PHACTR1: variants seen among roughly 807,000 people sequenced by gnomAD.
PHACTR1 encodes phosphatase and actin regulator 1.
Under a neutral mutation model 69.2 loss-of-function variants are expected in PHACTR1, and 16 were observed. The observed-to-expected ratio is 0.23, with a 90% CI of 0.16 to 0.35. The LOEUF is 0.35. Ranked by LOEUF, PHACTR1 falls within the 10% of genes least tolerant of loss-of-function variation. The pLI, the probability that PHACTR1 is intolerant of heterozygous loss-of-function variation, is 1.00. For synonymous variants in PHACTR1, 312 were observed against 284.5 expected, an observed-to-expected ratio of 1.10 and a Z score of -0.97; for missense variants, 510 against 734.7, an observed-to-expected ratio of 0.69 and a Z score of 3.54.
intron 4 of PHACTR1, among the ~76,000 whole-genome samples, chr6:13,018,360 T>G (rs371372216): frequency 3.6e-4 from 55 of 152,212 alleles, no homozygotes; most frequent in African/African-American, 1.2e-3. Context: ...GGAAACGTAC[T>G]GCCTGTTTTC....
intron 7 of PHACTR1, among the ~76,000 whole-genome samples, chr6:13,197,117 A>G (rs774239360): frequency 8.5e-5 from 13 of 152,202 alleles, no homozygotes; most frequent in Non-Finnish European, 1.6e-4. Context: ...CAAACAACCT[A>G]TGGCAGAGGT....
intron 7 of PHACTR1, among the ~76,000 whole-genome samples, chr6:13,195,848 C>T (rs916671625): frequency 2.0e-5 from 3 of 150,316 alleles, no homozygotes; most frequent in African/African-American, 7.4e-5. Context: ...TTCCGTGTGT[C>T]GGCTACAGCC....
intron 4 of PHACTR1, among the ~76,000 whole-genome samples, chr6:12,977,495 A>ACT (rs1169278683): frequency 6.6e-6 from 1 of 151,532 alleles, no homozygotes; most frequent in African/African-American, 2.4e-5. Flanking sequence ...AGCTTCACAC[A>ACT]CTCTCTCCCC....
At position 13,208,633 on chromosome 6, in the gene PHACTR1, C is replaced by G. The variant is rs1014558343; in HGVS notation, c.986+2497C>G. ...AGCAGCCAACGTCATTGCTGCCCAC[C>G]CCCCCAACCCCATGTCTACATGCAC... On this transcript the variant is annotated intron_variant, in intron 8 of 14. Transcript: ENST00000332995. Among the ~76,000 whole-genome samples, 13 of 150,522 alleles carry G rather than the reference C, an allele frequency of 8.6e-5. No individual in the cohort carries two copies. In the South Asian group the frequency reaches 1.3e-3, roughly 15 times the overall value.
intron 4 of PHACTR1, among the ~76,000 whole-genome samples, chr6:13,016,150 C>T (rs1390819213): frequency 6.6e-6 from 1 of 152,204 alleles, no homozygotes; most frequent in Admixed American, 6.5e-5. Flanking sequence ...TCTCTGGAAG[C>T]GATTTGCAAT....
At chr6:13,238,740 C>T (rs557160188) in intron 10 of PHACTR1, among the ~76,000 whole-genome samples, 3 of 152,132 alleles carry the variant, frequency 2.0e-5, no homozygotes, top group Non-Finnish European at 4.4e-5. Context: ...AGTGTCTCCC[C>T]AGGAATCTAA....
chr6:13,013,505 G>C (rs1469245005), intron 4 of PHACTR1, among the ~76,000 whole-genome samples: 1 of 152,230 alleles, frequency 6.6e-6, no homozygotes, highest in Non-Finnish European at 1.5e-5. Context: ...TTGGCGTTCC[G>C]CCCTGGAGCT....
At chr6:13,241,869 C>CA (rs924968728) in intron 10 of PHACTR1, among the ~76,000 whole-genome samples, 1,925 of 130,658 alleles carry the variant, frequency 0.015, 18 homozygotes, top group African/African-American at 0.026. Flanking sequence ...ACTAAAAATG[C>CA]AAAAAAAAAA....
intron 4 of PHACTR1, among the ~76,000 whole-genome samples, chr6:12,984,058 A>G (rs1214810552): frequency 6.6e-6 from 1 of 152,162 alleles, no homozygotes; most frequent in Non-Finnish European, 1.5e-5. Flanking sequence ...TTGGGTATAT[A>G]CCCAGTAATG....
chr6:12,869,959 C>T (rs533598018), intron 4 of PHACTR1, among the ~76,000 whole-genome samples: 3 of 152,174 alleles, frequency 2.0e-5, no homozygotes, highest in African/African-American at 4.8e-5. Context: ...GGTGACTAAA[C>T]TGTGACCTTA....
At chr6:12,994,873 C>T (rs1797239592) in intron 4 of PHACTR1, among the ~76,000 whole-genome samples, 1 of 152,096 alleles carries the variant, frequency 6.6e-6, no homozygotes, top group Non-Finnish European at 1.5e-5. Flanking sequence ...TAACTACTTA[C>T]ATATGTTTAT....
intron 4 of PHACTR1, among the ~76,000 whole-genome samples, chr6:12,830,052 G>A (rs1318586807): frequency 7.1e-6 from 1 of 141,444 alleles, no homozygotes; most frequent in Non-Finnish European, 1.5e-5. Flanking sequence ...AAGAAAGAAG[G>A]AAGGAAGGAA....
chr6:12,918,421 T>G (rs1787255417), intron 4 of PHACTR1, among the ~76,000 whole-genome samples: 1 of 152,240 alleles, frequency 6.6e-6, no homozygotes, highest in African/African-American at 2.4e-5. Flanking sequence ...TTTTGTTTTA[T>G]ACTTAATTGC....
Position 13,287,247 on chromosome 6 carries a change from C to G in PHACTR1, c.*169C>G, listed in dbSNP as rs563975750. On this transcript the variant is annotated 3_prime_UTR_variant, in exon 15 of 15. Coordinates refer to ENST00000332995, the MANE Select transcript of PHACTR1 (RefSeq NM_030948.6). Reference sequence around the variant, plus strand: ...ACAATCAGGATTTTATGTGTGAAAACGCAAAAGTGATGGCTCGGCGGTCCG... The same window carrying G: ...ACAATCAGGATTTTATGTGTGAAAAGGCAAAAGTGATGGCTCGGCGGTCCG... The G allele has an allele frequency of 1.4e-6, 1 of 737,762 alleles. No homozygotes were observed. The highest frequency in any genetic ancestry group is 2.9e-5 in the East Asian group (1 of 35,038). 45.7% of individuals were successfully genotyped at this position (737,762 alleles called of 1,614,324 possible).
At chr6:13,118,811 G>C (rs1290432316) in intron 5 of PHACTR1, among the ~76,000 whole-genome samples, 1 of 152,110 alleles carries the variant, frequency 6.6e-6, no homozygotes, top group African/African-American at 2.4e-5. Context: ...ATGGCGCAGT[G>C]GAAAGAGCCC....
chr6:13,129,668 A>T (rs1820096442), intron 5 of PHACTR1, among the ~76,000 whole-genome samples: 1 of 152,152 alleles, frequency 6.6e-6, no homozygotes, highest in African/African-American at 2.4e-5. Flanking sequence ...AATTACTACT[A>T]GACCTAAGAA....
intron 4 of PHACTR1, among the ~76,000 whole-genome samples, chr6:12,896,234 G>A (rs145667756): frequency 5.2e-4 from 79 of 152,364 alleles, no homozygotes; most frequent in African/African-American, 1.7e-3. Context: ...GTAAACCCAT[G>A]AGCAGGCATT....
intron 4 of PHACTR1, among the ~76,000 whole-genome samples, chr6:12,931,472 T>C (rs577346709): frequency 1.3e-5 from 2 of 152,168 alleles, no homozygotes; most frequent in South Asian, 4.2e-4. Flanking sequence ...CCATGGCAAG[T>C]TAATATAAAT....
chr6:12,760,667 T>C (rs1005386281), intron 4 of PHACTR1, among the ~76,000 whole-genome samples: 18 of 152,288 alleles, frequency 1.2e-4, no homozygotes, highest in Admixed American at 1.2e-3. Flanking sequence ...GTGCGGTGGC[T>C]CACGCCTATA....
Sources: allele counts gnomAD v4.1 joint callset (sites outside exome capture counted in the v4.1 genomes callset), GRCh38; gene constraint gnomAD v4.1.1; transcripts MANE v1.5; gene names NCBI Gene and HGNC (gene_info 2026-07-23, HGNC 2026-07-21).